CEP70: variants seen among roughly 807,000 people sequenced by gnomAD.
The protein encoded by CEP70 is centrosomal protein 70.
A neutral mutation model predicts 90.9 loss-of-function variants in CEP70; 70 were observed. The observed-to-expected ratio is 0.77, with a 90% confidence interval of 0.64 to 0.94. CEP70 has a LOEUF of 0.94. Ranked by LOEUF, CEP70 falls within the 40% of genes least tolerant of loss-of-function variation. CEP70 has a pLI of 0.00. For synonymous variants in CEP70, 220 were observed against 228.3 expected (o/e 0.96, Z 0.33); for missense variants, 648 against 669.0 (o/e 0.97, Z 0.35).
chr3:138,569,967 G>A (rs2041050771), intron 6 of CEP70, among the ~76,000 whole-genome samples: 1 of 152,218 alleles, frequency 6.6e-6, no homozygotes, highest in Non-Finnish European at 1.5e-5. Flanking sequence ...AATTCGGGGA[G>A]AGGACTGGGC....
chr3:138,496,611 A>T (rs951489436), intron 17 of CEP70: 2 of 985,292 alleles, frequency 2.0e-6, no homozygotes, highest in African/African-American at 3.5e-5. Flanking sequence ...ACATGAGAAA[A>T]AGAATGGATT....
chr3:138,576,749 T>TG (rs2041553089), intron 2 of CEP70, among the ~76,000 whole-genome samples: 1 of 152,178 alleles, frequency 6.6e-6, no homozygotes, highest in Non-Finnish European at 1.5e-5. Flanking sequence ...CACAACAAAC[T>TG]GTCTCTCAGA....
intron 2 of CEP70, among the ~76,000 whole-genome samples, chr3:138,590,275 GA>G (rs1266580196): frequency 6.6e-6 from 1 of 152,006 alleles, no homozygotes; most frequent in Non-Finnish European, 1.5e-5. Context: ...TCTCAGTATG[GA>G]AAAAAGGAGT....
chr3:138,518,371 G>A (rs2036262390), intron 11 of CEP70, among the ~76,000 whole-genome samples: 1 of 152,214 alleles, frequency 6.6e-6, no homozygotes, highest in Non-Finnish European at 1.5e-5. Context: ...TCTGAGAACT[G>A]GCAGACTGCC....
intron 6 of CEP70, among the ~76,000 whole-genome samples, chr3:138,549,613 G>A (rs1175673784): frequency 1.3e-5 from 2 of 152,084 alleles, no homozygotes; most frequent in East Asian, 3.9e-4. Flanking sequence ...CAACATGATG[G>A]TCCTTCTCTA....
intron 7 of CEP70, among the ~76,000 whole-genome samples, chr3:138,536,352 A>G (rs1409824458): frequency 6.6e-6 from 1 of 152,104 alleles, no homozygotes; most frequent in African/African-American, 2.4e-5. Flanking sequence ...TGATTTTGCA[A>G]TTACATAAAT....
chr3:138,584,332 A>G (rs1210978534), intron 2 of CEP70, among the ~76,000 whole-genome samples: 3 of 151,756 alleles, frequency 2.0e-5, no homozygotes, highest in Non-Finnish European at 2.9e-5. Flanking sequence ...GCTGAATTCT[A>G]CCAAACATTT....
At chr3:138,554,095 G>A (rs2039820412) in intron 6 of CEP70, among the ~76,000 whole-genome samples, 1 of 151,822 alleles carries the variant, frequency 6.6e-6, no homozygotes, top group African/African-American at 2.4e-5. Flanking sequence ...CAGCTACTCA[G>A]GAGACTGAGG....
Position 138,495,085 on chromosome 3 carries a change from C to T in CEP70, c.1733-9G>A. On this transcript the variant is annotated splice_polypyrimidine_tract_variant and intron_variant, in intron 17 of 17. Coordinates refer to ENST00000264982, the MANE Select transcript of CEP70 (RefSeq NM_024491.4). Reference sequence around the variant, plus strand: ...ATCCAAGTCATCAATTTCTGTAATACAAAAACAGTAATAATAAAAGAGAGT... The same window carrying T: ...ATCCAAGTCATCAATTTCTGTAATATAAAAACAGTAATAATAAAAGAGAGT... 2.6e-6 allele frequency: 4 copies of T among 1,511,526 alleles called. No homozygotes were observed. The highest frequency in any genetic ancestry group is 1.7e-5 in the Admixed American group (1 of 58,760). 93.6% of individuals were successfully genotyped at this position (1,511,526 alleles called of 1,614,324 possible).
chr3:138,576,015 C>T (rs1489341671), intron 2 of CEP70, among the ~76,000 whole-genome samples: 3 of 152,146 alleles, frequency 2.0e-5, no homozygotes, highest in Non-Finnish European at 2.9e-5. Flanking sequence ...TTGTAAAGAC[C>T]ATCAATGCTA....
At chr3:138,545,631 A>G (rs1295876003) in intron 6 of CEP70, among the ~76,000 whole-genome samples, 1 of 152,154 alleles carries the variant, frequency 6.6e-6, no homozygotes, top group African/African-American at 2.4e-5. Flanking sequence ...TCTTTCGGAG[A>G]GCCTATAAAT....
intron 2 of CEP70, among the ~76,000 whole-genome samples, chr3:138,590,258 T>A (rs1026200960): frequency 2.0e-5 from 3 of 152,158 alleles, no homozygotes; most frequent in Admixed American, 6.6e-5. Flanking sequence ...TTCTTGAGAA[T>A]CATGATTCTC....
At chr3:138,565,735 T>C (rs943116393) in intron 6 of CEP70, among the ~76,000 whole-genome samples, 1 of 152,166 alleles carries the variant, frequency 6.6e-6, no homozygotes, top group African/African-American at 2.4e-5. Context: ...GAAGAAAACC[T>C]AGGCAATACC....
intron 12 of CEP70, among the ~76,000 whole-genome samples, chr3:138,505,901 G>A (rs772166213): frequency 1.3e-5 from 2 of 152,110 alleles, no homozygotes; most frequent in African/African-American, 4.8e-5. Flanking sequence ...CTACTGATTC[G>A]GATGTCAATC....
At chr3:138,520,560 G>A (rs957878247) in intron 11 of CEP70, among the ~76,000 whole-genome samples, 4 of 152,136 alleles carry the variant, frequency 2.6e-5, no homozygotes, top group Admixed American at 2.6e-4. Context: ...CATGGAAACT[G>A]AACAACCTGC....
chr3:138,514,398 C>A (rs1347931779), intron 11 of CEP70, among the ~76,000 whole-genome samples: 5 of 152,136 alleles, frequency 3.3e-5, no homozygotes, highest in African/African-American at 9.7e-5. Flanking sequence ...AACAGATTGC[C>A]TGTAATGTGC....
At chr3:138,572,747 C>A in intron 3 of CEP70, 112 bp downstream of exon 3, 1 of 768,312 alleles carries the variant, frequency 1.3e-6, no homozygotes, top group Non-Finnish European at 2.3e-6. Flanking sequence ...CCCAGCATTT[C>A]CTAAAATTAT....
chr3:138,514,961 A>G (rs9811052), intron 11 of CEP70, among the ~76,000 whole-genome samples: 60,025 of 151,924 alleles, frequency 0.4, 12,462 homozygotes, highest in Non-Finnish European at 0.45. Context: ...TTTCTTCAAA[A>G]TTTAGCAGAA....
At chr3:138,513,511 G>A (rs1394146558) in intron 11 of CEP70, among the ~76,000 whole-genome samples, 2 of 151,260 alleles carry the variant, frequency 1.3e-5, no homozygotes, top group African/African-American at 4.9e-5. Context: ...AGGGCTCCTA[G>A]GCAGTGAGAT....
Sources: allele counts gnomAD v4.1 joint callset (sites outside exome capture counted in the v4.1 genomes callset), GRCh38; gene constraint gnomAD v4.1.1; transcripts MANE v1.5; gene names NCBI Gene and HGNC (gene_info 2026-07-23, HGNC 2026-07-21).